Variants in CABCOCO1 observed in about 807,000 individuals in gnomAD.
CABCOCO1 encodes the protein ciliary associated calcium binding coiled-coil 1, also known as ciliary-associated calcium-binding coiled-coil protein 1.
Under a neutral mutation model 35.7 loss-of-function variants are expected in CABCOCO1, and 28 were observed. The ratio of observed to expected loss-of-function variants is 0.78; its 90% CI spans 0.58 to 1.07. The LOEUF (loss-of-function observed/expected upper bound fraction) is 1.07, where lower values mean the gene tolerates loss of function less well. Among genes scored for constraint, CABCOCO1 ranks in the 50% least tolerant of loss-of-function variants. The pLI is 0.00. For synonymous variants in CABCOCO1, 95 were observed against 100.1 expected, an observed-to-expected ratio of 0.95 and a Z score of 0.30; for missense variants, 326 against 309.2, an observed-to-expected ratio of 1.05 and a Z score of -0.41.
In CABCOCO1 at chr10:61,681,185, T is replaced by C; in HGVS notation, c.207T>C (p.Cys69=). 6.6e-7 allele frequency: 1 copy of C among 1,508,992 alleles called. No homozygotes were observed. The highest frequency in any genetic ancestry group is 8.9e-7 in the Non-Finnish European group (1 of 1,120,940). 93.5% of individuals were successfully genotyped at this position (1,508,992 alleles called of 1,614,324 possible). A position where few individuals can be genotyped will look rare whatever the true frequency, so the allele number is the denominator to read the frequency against. ...IFLNFKNLET[C]LKDAILLDYY... ...TGAATTTCAAAAACCTTGAAACTTG[T>C]TTAAAGGATGCCATTCTACTAGATT... The change falls in exon 3 of 8, where the codon TGT becomes TGC. Residue 69 remains cysteine (C), a synonymous_variant. Coordinates refer to ENST00000648843, the MANE Select transcript of CABCOCO1 (RefSeq NM_001366906.2).
intron 2 of CABCOCO1, among the ~76,000 whole-genome samples, chr10:61,679,961 A>G (rs1839658194): frequency 6.6e-6 from 1 of 152,008 alleles, no homozygotes; most frequent in African/African-American, 2.4e-5. Context: ...GTTGAAGAGA[A>G]AATTATAACT....
intron 5 of CABCOCO1, among the ~76,000 whole-genome samples, chr10:61,720,220 AT>A (rs991298574): frequency 2.0e-5 from 3 of 151,916 alleles, no homozygotes; most frequent in Middle Eastern, 3.2e-3. Flanking sequence ...TTGAACTTCA[AT>A]TTTTTTTAAG....
At chr10:61,713,795 T>C (rs1840791244) in intron 5 of CABCOCO1, among the ~76,000 whole-genome samples, 1 of 152,222 alleles carries the variant, frequency 6.6e-6, no homozygotes, top group Non-Finnish European at 1.5e-5. Context: ...TGGTTCTGTT[T>C]ATGTGATGGA....
At chr10:61,701,319 G>C (rs1045961415) in intron 5 of CABCOCO1, among the ~76,000 whole-genome samples, 1 of 151,920 alleles carries the variant, frequency 6.6e-6, no homozygotes, top group East Asian at 1.9e-4. Flanking sequence ...TTATAAAAAT[G>C]TCTGTTTTAT....
chr10:61,723,563 T>A (rs1841074072), intron 5 of CABCOCO1, among the ~76,000 whole-genome samples: 1 of 152,140 alleles, frequency 6.6e-6, no homozygotes, highest in African/African-American at 2.4e-5. Flanking sequence ...GAAATTTGTT[T>A]CCTCACAGTT....
intron 4 of CABCOCO1, among the ~76,000 whole-genome samples, chr10:61,686,666 T>A (rs1283596964): frequency 1.3e-5 from 2 of 152,174 alleles, no homozygotes; most frequent in African/African-American, 4.8e-5. Flanking sequence ...ATTGAAGAGA[T>A]TTATGAATAT....
At chr10:61,715,366 C>T (rs1036125620) in intron 5 of CABCOCO1, among the ~76,000 whole-genome samples, 5 of 151,970 alleles carry the variant, frequency 3.3e-5, no homozygotes, top group Non-Finnish European at 7.4e-5. Flanking sequence ...ATTTGCTTGG[C>T]AGATCTTCCT....
chr10:61,718,188 T>C (rs898394783), intron 5 of CABCOCO1, among the ~76,000 whole-genome samples: 1 of 152,200 alleles, frequency 6.6e-6, no homozygotes, highest in African/African-American at 2.4e-5. Context: ...TTGTTTTCCA[T>C]AAAATCAGTA....
intron 5 of CABCOCO1, among the ~76,000 whole-genome samples, chr10:61,721,807 G>A (rs144596266): frequency 1.1e-3 from 164 of 152,262 alleles, no homozygotes; most frequent in Middle Eastern, 3.4e-3. Flanking sequence ...CAAATGCTAC[G>A]ACAGATTTTG....
intron 5 of CABCOCO1, among the ~76,000 whole-genome samples, chr10:61,741,163 A>C (rs1589150063): frequency 6.6e-6 from 1 of 151,974 alleles, no homozygotes; most frequent in Admixed American, 6.5e-5. Flanking sequence ...AAAATAAAAT[A>C]ATAAAATAAA....
chr10:61,760,884 C>A lies in CABCOCO1; in HGVS notation c.697C>A (p.Pro233Thr), dbSNP rs138221401. The A allele has an allele frequency of 1.4e-5, 22 of 1,612,256 alleles. No individual in the cohort carries two copies. Among genetic ancestry groups the A allele is most frequent in the Non-Finnish European group, 1.8e-5 (21 of 1,179,054 alleles). Residue 233 changes from proline (P) to threonine (T), a missense_variant, in exon 7 of 8, where the codon CCT becomes ACT. Pro to Thr is a conservative substitution (Grantham distance 38). Transcript: ENST00000648843. ...EMKRLDQEQG[P>T]EESQPETDTS... ...CTAGAGGTTGGATCAAGAACAAGGC[C>A]CTGAGGAGTCTCAGCCAGAAACTGA...
chr10:61,755,659 A>C (rs1185435516), intron 5 of CABCOCO1, among the ~76,000 whole-genome samples: 2 of 152,080 alleles, frequency 1.3e-5, no homozygotes, highest in Admixed American at 1.3e-4. Flanking sequence ...ATCTCAAAAA[A>C]TGTAATAATA....
At chr10:61,741,303 T>C (rs1176456838) in intron 5 of CABCOCO1, among the ~76,000 whole-genome samples, 1 of 152,126 alleles carries the variant, frequency 6.6e-6, no homozygotes, top group Middle Eastern at 3.2e-3. Context: ...TATGACAACA[T>C]TAAAAATAGA....
Position 61,764,858 on chromosome 10 carries a change from T to C in CABCOCO1, c.817-1081T>C, listed in dbSNP as rs572441552. 1.2e-4 allele frequency among the ~76,000 whole-genome samples: 18 copies of C among 152,248 alleles called. No individual in the cohort carries two copies. The South Asian group carries it at 3.5e-3, about 30-fold the overall frequency. On this transcript the variant is annotated intron_variant, in intron 7 of 7. Transcript: ENST00000648843. ...CGATCTTTCCAGAAATATCAAATCT[T>C]ACTGTGAGGTGAAATCAAATCTCAT... is the stretch of plus-strand genomic sequence containing the variant.
At chr10:61,724,482 TTAA>T (rs2132045489) in intron 5 of CABCOCO1, among the ~76,000 whole-genome samples, 1 of 152,312 alleles carries the variant, frequency 6.6e-6, no homozygotes, top group Admixed American at 6.5e-5. Context: ...TTTCTTTATC[TTAA>T]TATCTGATAA....
chr10:61,718,991 A>G (rs1053703107), intron 5 of CABCOCO1, among the ~76,000 whole-genome samples: 1 of 152,256 alleles, frequency 6.6e-6, no homozygotes, highest in Non-Finnish European at 1.5e-5. Context: ...TTTTCATTTT[A>G]TAAACATGCT....
chr10:61,730,982 T>G (rs986824831), intron 5 of CABCOCO1, among the ~76,000 whole-genome samples: 3 of 151,560 alleles, frequency 2.0e-5, no homozygotes, highest in African/African-American at 7.3e-5. Context: ...AAAGGAATAT[T>G]TAAATAAAAC....
At chr10:61,679,604 G>A (rs1456323773) in intron 2 of CABCOCO1, among the ~76,000 whole-genome samples, 2 of 152,118 alleles carry the variant, frequency 1.3e-5, no homozygotes, top group Admixed American at 1.3e-4. Flanking sequence ...TTTGTAACTT[G>A]GCCAGGTCTC....
At chr10:61,703,884 T>C (rs1315012579) in intron 5 of CABCOCO1, among the ~76,000 whole-genome samples, 6 of 152,132 alleles carry the variant, frequency 3.9e-5, no homozygotes, top group Non-Finnish European at 8.8e-5. Context: ...CACAGAGACC[T>C]GGATAGTCTC....
Sources: gnomAD v4.1 joint callset for allele counts (sites outside exome capture counted in the v4.1 genomes callset) on GRCh38, gnomAD v4.1.1 for gene constraint, MANE v1.5 for transcripts, NCBI Gene and HGNC (gene_info 2026-07-23, HGNC 2026-07-21) for gene names.